TP73: variants seen among roughly 807,000 people sequenced by gnomAD.
The protein encoded by TP73 is tumor protein p73.
TP73 carries 25 observed loss-of-function variants against 62.5 expected under a neutral mutation model. That is an observed-to-expected ratio of 0.40 (90% CI 0.29 to 0.56). The LOEUF is 0.56. Ranked by LOEUF, TP73 falls within the 20% of genes least tolerant of loss-of-function variation. The pLI is 0.46. For missense variants in TP73, 754 were observed against 913.3 expected (o/e 0.83, Z 2.25); for synonymous variants, 423 against 377.5 (o/e 1.12, Z -1.40).
rs750804532 is a variant in TP73 at position 3,727,622 on chromosome 1, C to T, written c.843-6C>T. ...GCTCACAATTCTGGCTGTGCCCACC[C>T]GACAGTGGGCAGGTGCTGGGCCGCC... is the stretch of plus-strand genomic sequence containing the variant. On this transcript the variant is annotated splice_polypyrimidine_tract_variant and splice_region_variant and intron_variant, in intron 7 of 13. Transcript: ENST00000378295. The T allele has an allele frequency of 2.3e-5, 36 of 1,595,124 alleles. 1 individual carries two copies. The highest frequency in any genetic ancestry group is 3.3e-4 in the Middle Eastern group (2 of 6,036).
At chr1:3,691,431 C>T (rs552752536) in intron 3 of TP73, among the ~76,000 whole-genome samples, 1 of 152,076 alleles carries the variant, frequency 6.6e-6, no homozygotes, top group Non-Finnish European at 1.5e-5. Context: ...CAGTGGCAGA[C>T]GGTGCTTCTT....
chr1:3,687,277 C>T (rs891196093), intron 3 of TP73, among the ~76,000 whole-genome samples: 1 of 152,238 alleles, frequency 6.6e-6, no homozygotes, highest in Non-Finnish European at 1.5e-5. Flanking sequence ...AGCCCCTGCC[C>T]TCTCAGGACC....
In TP73 at chr1:3,693,764, CCACCCATGCAGCCT is replaced by C. The variant is rs1182297585; in HGVS notation, c.186+10587_186+10600del. On this transcript the variant is annotated intron_variant, in intron 3 of 13. Coordinates refer to ENST00000378295, the MANE Select transcript of TP73 (RefSeq NM_005427.4). ...AGCCTCAGCTCCTCCTCCCACAATC[CCACCCATGCAGCCT>C]CAGCCCCTCCTCCCGCAATCCCAGC... 9.8e-3 allele frequency among the ~76,000 whole-genome samples: 1,352 copies of C among 138,296 alleles called. 114 individuals are homozygous for C. Among genetic ancestry groups the C allele is most frequent in the African/African-American group, 0.033 (1,187 of 35,750 alleles). 90.7% of individuals were successfully genotyped at this position (138,296 alleles called of 152,430 possible).
rs1022191525 is a variant in TP73, at chr1:3,670,494, T to A, written c.-33-11839T>A. Among the ~76,000 whole-genome samples, 2 of 151,704 alleles carry A rather than the reference T, an allele frequency of 1.3e-5. No individual in the cohort carries two copies. Among genetic ancestry groups the A allele is most frequent in the Non-Finnish European group, 2.9e-5 (2 of 67,926 alleles). On this transcript the variant is annotated intron_variant, in intron 1 of 13. Transcript: ENST00000378295. The surrounding 1 kb of genome is among the most constrained non-coding windows in gnomAD (Gnocchi z 5.9). ...AACCTGGCCAACATGGTGAACCCTG[T>A]CTCTACTAAAAATACAAAAATTAGC... is the stretch of plus-strand genomic sequence containing the variant.
At position 3,682,381 on chromosome 1, in the gene TP73, G is replaced by A. The variant is rs763021753; in HGVS notation, c.16G>A (p.Ala6Thr). The change falls in exon 2 of 14, where the codon GCC becomes ACC. Residue 6 changes from alanine (A) to threonine (T), a missense_variant. This residue lies in a region of TP73 where 235 missense variants were observed against 251.4 expected (regional missense o/e 0.93). Transcript: ENST00000378295. ...CGTGGGGAAGATGGCCCAGTCCACC[G>A]CCACCTCCCCTGATGGGGGCACCAC... MAQST[A>T]TSPDGGTTFE... The A allele has an allele frequency of 9.0e-6, 14 of 1,557,516 alleles. No homozygotes were observed. The highest frequency in any genetic ancestry group is 3.7e-5 in the Admixed American group (2 of 54,250).
Position 3,700,085 on chromosome 1 carries a change from C to T in TP73, c.187-7464C>T, listed in dbSNP as rs75424447. 3.4e-3 allele frequency among the ~76,000 whole-genome samples: 512 copies of T among 152,176 alleles called. 4 individuals are homozygous for T. Among genetic ancestry groups the T allele is most frequent in the African/African-American group, 0.011 (462 of 41,518 alleles). On this transcript the variant is annotated intron_variant, in intron 3 of 13. Coordinates refer to ENST00000378295, the MANE Select transcript of TP73 (RefSeq NM_005427.4). ...TCTACGGGGCAGGAGCTCCGTCTTT[C>T]GAGCCTCTGCACTTGTGGAGACAAA...
rs1465467416 is a variant in TP73 at position 3,728,155 on chromosome 1, C to T, written c.1012C>T (p.Pro338Ser). 1 of 1,611,616 alleles carries T rather than the reference C, an allele frequency of 6.2e-7. No individual in the cohort carries two copies. Among genetic ancestry groups the T allele is most frequent in the African/African-American group, 1.3e-5 (1 of 74,942 alleles). ...RAFKQSPPAVPALGAGVKKRR... is the reference protein window; with the variant it reads ...RAFKQSPPAVSALGAGVKKRR... ...CTTCAAGCAGAGCCCCCCTGCCGTCCCCGCCCTTGGTGCCGGTGTGAAGAA... is the reference window on the plus strand; with the variant it reads ...CTTCAAGCAGAGCCCCCCTGCCGTCTCCGCCCTTGGTGCCGGTGTGAAGAA... Residue 338 changes from proline (P) to serine (S), a missense_variant, in exon 9 of 14, where the codon CCC (proline) becomes TCC (serine). Around this residue, in one of 3 missense-constraint regions of TP73, gnomAD observed 458 missense variants for 528.7 expected, o/e 0.87. Coordinates refer to ENST00000378295, the MANE Select transcript of TP73 (RefSeq NM_005427.4).
chr1:3,727,207 C>T lies in TP73; in HGVS notation c.825C>T (p.Ile275=), dbSNP rs1020464665. 5 of 1,612,000 alleles carry T rather than the reference C, an allele frequency of 3.1e-6. No individual in the cohort carries two copies. The African/African-American group carries it at 6.7e-5, about 22-fold the overall frequency. ...GMNRRPILII[I]TLEMRDGQVL... The stretch of plus-strand genomic sequence containing the variant: ...ACCGGCGGCCCATCCTCATCATCAT[C>T]ACCCTGGAGATGCGGGAGTGAGTCC... The change falls in exon 7 of 14, where the codon ATC becomes ATT. Residue 275 remains isoleucine, a synonymous_variant. Coordinates refer to ENST00000378295, the MANE Select transcript of TP73 (RefSeq NM_005427.4).
intron 1 of TP73, among the ~76,000 whole-genome samples, chr1:3,674,018 C>T (rs1206373846): frequency 6.6e-6 from 1 of 152,176 alleles, no homozygotes; most frequent in Non-Finnish European, 1.5e-5. Flanking sequence ...CTGGTCTTCC[C>T]TCTCTGTGCA....
intron 3 of TP73, among the ~76,000 whole-genome samples, chr1:3,700,595 G>A (rs933208885): frequency 2.6e-5 from 4 of 152,072 alleles, no homozygotes; most frequent in African/African-American, 7.2e-5. Flanking sequence ...TCAGGAGTTC[G>A]AGACCAGCCT....
intron 2 of TP73, among the ~76,000 whole-genome samples, 178 bp from the exon 3 acceptor site, chr1:3,682,882 T>A (rs1262179671): frequency 6.6e-6 from 1 of 152,140 alleles, no homozygotes; most frequent in African/African-American, 2.4e-5. Context: ...TCTCTGGCAC[T>A]CACAGCAGCC....
At chr1:3,711,655 T>C (rs1473866496) in intron 4 of TP73, among the ~76,000 whole-genome samples, 1 of 152,146 alleles carries the variant, frequency 6.6e-6, no homozygotes, top group African/African-American at 2.4e-5. Flanking sequence ...TGTGGGCACC[T>C]CAGGGCATGC....
rs1557542286 is a variant in TP73, at chr1:3,706,329, G to GCCCGCCGCAGGCCCT, written c.187-1220_187-1219insCCCGCCGCAGGCCCT. ...CAATCATGGTGCCCACCGCAGGCCT[G>GCCCGCCGCAGGCCCT]GGGAGAGGGGTAATAGGGACAATCA... is the stretch of plus-strand genomic sequence containing the variant. On this transcript the variant is annotated intron_variant, in intron 3 of 13. Coordinates refer to ENST00000378295, the MANE Select transcript of TP73 (RefSeq NM_005427.4). 1.1e-3 allele frequency among the ~76,000 whole-genome samples: 150 copies of GCCCGCCGCAGGCCCT among 137,892 alleles called. 3 individuals are homozygous for GCCCGCCGCAGGCCCT. Among genetic ancestry groups the GCCCGCCGCAGGCCCT allele is most frequent in the African/African-American group, 4.1e-3 (144 of 35,208 alleles). The allele number at this position is 137,892 out of a possible 152,430, so 90.5% of individuals were successfully genotyped here. A position where few individuals can be genotyped will look rare whatever the true frequency, so the allele number is the denominator to read the frequency against.
rs570708526 is a variant in TP73 at position 3,701,933 on chromosome 1, T to C, written c.187-5616T>C. ...CCCAGGACTCCTGACCTCAGAGCCC[T>C]GCTTGGCCCCCCAGGTCCCTGGGAG... On this transcript the variant is annotated intron_variant, in intron 3 of 13. Transcript: ENST00000378295. The surrounding 1 kb of genome is among the most constrained non-coding windows in gnomAD (Gnocchi z 4.7). Among the ~76,000 whole-genome samples the C allele has an allele frequency of 2.6e-5, 4 of 152,292 alleles. No homozygotes were observed. The South Asian group carries it at 8.3e-4, about 32-fold the overall frequency.
chr1:3,694,837 C>T (rs1638467341), intron 3 of TP73, among the ~76,000 whole-genome samples: 1 of 76,938 alleles, frequency 1.3e-5, no homozygotes, highest in Non-Finnish European at 3.2e-5. Flanking sequence ...GCAGCCTCAG[C>T]CCCTCCTCCT....
At chr1:3,684,765 C>A (rs985372547) in intron 3 of TP73, among the ~76,000 whole-genome samples, 3 of 152,082 alleles carry the variant, frequency 2.0e-5, no homozygotes, top group Non-Finnish European at 2.9e-5. Context: ...CCCTCCCACC[C>A]CTGCTCAGGA....
chr1:3,703,759 G>T lies in TP73; in HGVS notation c.187-3790G>T, dbSNP rs538872729. On this transcript the variant is annotated intron_variant, in intron 3 of 13. Transcript: ENST00000378295. ...AGCAGGGATGGGAGTCGGGCAGGGG[G>T]ACCCTGGAGCCTGCCCTTGCCTGTC... 2.6e-5 allele frequency among the ~76,000 whole-genome samples: 4 copies of T among 152,374 alleles called. No homozygotes were observed. In the East Asian group the frequency reaches 5.8e-4, roughly 22 times the overall value.
chr1:3,728,967 G>A (rs543956351), intron 9 of TP73, among the ~76,000 whole-genome samples: 2 of 151,194 alleles, frequency 1.3e-5, no homozygotes, highest in South Asian at 2.1e-4. Flanking sequence ...TAGCCTAGGC[G>A]ACAGAGCAAG....
intron 4 of TP73, among the ~76,000 whole-genome samples, chr1:3,718,505 C>T (rs1640798182): frequency 6.6e-6 from 1 of 152,148 alleles, no homozygotes; most frequent in Non-Finnish European, 1.5e-5. Flanking sequence ...CCCAGGCGGG[C>T]GGGAGCTCAG....
Sources: allele counts gnomAD v4.1 joint callset (sites outside exome capture counted in the v4.1 genomes callset), GRCh38; gene constraint gnomAD v4.1.1; regional missense constraint gnomAD v4.1.1; non-coding constraint Gnocchi (gnomAD v3.1); transcripts MANE v1.5; gene names NCBI Gene and HGNC (gene_info 2026-07-23, HGNC 2026-07-21).